Variants in NEGR1 observed in about 807,000 individuals in gnomAD.
NEGR1 encodes the protein neuronal growth regulator 1, also known as IgLON family member 4.
NEGR1 carries 10 observed loss-of-function variants against 40.9 expected under a neutral mutation model. The observed-to-expected ratio is 0.24, with a 90% CI of 0.15 to 0.42. The LOEUF is 0.42. Among genes scored for constraint, NEGR1 ranks in the 10% least tolerant of loss-of-function variants. The probability of loss-of-function intolerance (pLI) is 1.00; values close to 1 mark genes in which losing one functional copy is unlikely to be tolerated. For synonymous variants in NEGR1, 185 were observed against 166.8 expected, an observed-to-expected ratio of 1.11 and a Z score of -0.84; for missense variants, 352 against 438.9, an observed-to-expected ratio of 0.80 and a Z score of 1.77.
chr1:71,679,384 C>T (rs1222218086), intron 4 of NEGR1, among the ~76,000 whole-genome samples: 1 of 152,082 alleles, frequency 6.6e-6, no homozygotes, highest in Non-Finnish European at 1.5e-5. Flanking sequence ...ATATAGTATA[C>T]TTTTCATTTA....
chr1:71,899,032 G>T (rs1273328214), intron 2 of NEGR1, among the ~76,000 whole-genome samples: 1 of 137,702 alleles, frequency 7.3e-6, no homozygotes, highest in Non-Finnish European at 1.5e-5. Context: ...TAATGTGTGT[G>T]TGTGCGTGTG....
At chr1:72,085,676 A>C (rs1648191243) in intron 1 of NEGR1, among the ~76,000 whole-genome samples, 1 of 152,160 alleles carries the variant, frequency 6.6e-6, no homozygotes, top group African/African-American at 2.4e-5. Context: ...GTTTCTTAAG[A>C]AATGTGATTC....
intron 3 of NEGR1, among the ~76,000 whole-genome samples, chr1:71,711,137 A>C (rs940749124): frequency 6.6e-6 from 1 of 151,726 alleles, no homozygotes; most frequent in Non-Finnish European, 1.5e-5. Flanking sequence ...GGAGATAGAG[A>C]CCATCCTGGC....
chr1:71,720,240 A>G (rs1481936743), intron 3 of NEGR1, among the ~76,000 whole-genome samples: 1 of 152,186 alleles, frequency 6.6e-6, no homozygotes, highest in African/African-American at 2.4e-5. Context: ...TGCTGATAGG[A>G]ATCCATTGGT....
rs933721340 is a variant in NEGR1, at chr1:71,648,094, C to A, written c.668-36948G>T. On this transcript the variant is annotated intron_variant, in intron 4 of 6. Transcript: ENST00000357731. Reference sequence around the variant, plus strand: ...CTGAAAAATATGCAGCCAACTGGCCCTGTCCCCATTCACAGTTGTTTATAA... The same window carrying A: ...CTGAAAAATATGCAGCCAACTGGCCATGTCCCCATTCACAGTTGTTTATAA... Among the ~76,000 whole-genome samples the A allele has an allele frequency of 2.6e-5, 4 of 151,946 alleles. No individual in the cohort carries two copies. The South Asian group carries it at 8.3e-4, about 32-fold the overall frequency.
chr1:71,451,084 A>T (rs1162028914), intron 6 of NEGR1, among the ~76,000 whole-genome samples: 2 of 152,168 alleles, frequency 1.3e-5, no homozygotes, highest in Non-Finnish European at 2.9e-5. Flanking sequence ...TTCATTTGTC[A>T]ATCAATTACA....
chr1:71,565,088 T>G (rs1431319684), intron 6 of NEGR1, among the ~76,000 whole-genome samples: 1 of 152,046 alleles, frequency 6.6e-6, no homozygotes, highest in Non-Finnish European at 1.5e-5. Context: ...AAAGGCCCAT[T>G]TATTGAGAGG....
chr1:71,797,506 C>A (rs192438874), intron 2 of NEGR1, among the ~76,000 whole-genome samples: 24 of 152,216 alleles, frequency 1.6e-4, no homozygotes, highest in African/African-American at 5.1e-4. Flanking sequence ...ATTTTATGAT[C>A]CTCTATTTCC....
chr1:71,765,339 G>T (rs2101705136), intron 3 of NEGR1, among the ~76,000 whole-genome samples: 1 of 152,118 alleles, frequency 6.6e-6, no homozygotes, highest in East Asian at 1.9e-4. Flanking sequence ...ACAACTTTTT[G>T]CAGGGAAAAC....
chr1:71,575,464 T>C (rs1435981168), intron 6 of NEGR1, among the ~76,000 whole-genome samples: 1 of 152,184 alleles, frequency 6.6e-6, no homozygotes, highest in East Asian at 1.9e-4. Flanking sequence ...ATTGGAGCTA[T>C]CAGCATTCAA....
At chr1:72,222,272 C>T (rs569566847) in intron 1 of NEGR1, among the ~76,000 whole-genome samples, 3 of 152,196 alleles carry the variant, frequency 2.0e-5, no homozygotes, top group Admixed American at 6.6e-5. Context: ...AGGTCTACCC[C>T]AGTGGGCACC....
At chr1:71,804,590 G>T (rs1657684573) in intron 2 of NEGR1, among the ~76,000 whole-genome samples, 1 of 152,144 alleles carries the variant, frequency 6.6e-6, no homozygotes, top group Non-Finnish European at 1.5e-5. Context: ...TATCTTTACT[G>T]CAATCTCTGA....
chr1:72,138,277 A>C (rs1483020728), intron 1 of NEGR1, among the ~76,000 whole-genome samples: 2 of 152,018 alleles, frequency 1.3e-5, no homozygotes, highest in Non-Finnish European at 2.9e-5. Flanking sequence ...CCACTCCAAT[A>C]GTCAAAAAGA....
chr1:72,001,243 CTCTT>C (rs1430426612), intron 1 of NEGR1, among the ~76,000 whole-genome samples: 1 of 151,978 alleles, frequency 6.6e-6, no homozygotes, highest in Non-Finnish European at 1.5e-5. Flanking sequence ...AGAGCTTTCT[CTCTT>C]TCTTTCCCTT....
In NEGR1 at chr1:72,189,386, G is replaced by A. The variant is rs183236170; in HGVS notation, c.176+92933C>T. On this transcript the variant is annotated intron_variant, in intron 1 of 6. Transcript: ENST00000357731. ...TTATACTCTTTCCCACAAGAAGCTA[G>A]AAAATTTCAATGTATCTTTCAAACC... 1.7e-3 allele frequency among the ~76,000 whole-genome samples: 256 copies of A among 151,602 alleles called. 1 individual carries two copies. The highest frequency in any genetic ancestry group is 2.5e-3 in the Admixed American group (38 of 15,174).
intron 1 of NEGR1, among the ~76,000 whole-genome samples, chr1:71,996,860 C>G (rs1465188552): frequency 1.3e-5 from 2 of 152,026 alleles, no homozygotes; most frequent in Non-Finnish European, 2.9e-5. Flanking sequence ...CCAATGATCT[C>G]TCAATTGACC....
chr1:71,781,333 G>C (rs555369860), intron 2 of NEGR1, among the ~76,000 whole-genome samples: 29 of 152,264 alleles, frequency 1.9e-4, no homozygotes, highest in Admixed American at 7.2e-4. Context: ...ATATTAACTT[G>C]CATGACCTGT....
chr1:71,885,932 T>C (rs563642452), intron 2 of NEGR1, among the ~76,000 whole-genome samples: 202 of 152,312 alleles, frequency 1.3e-3, no homozygotes, highest in African/African-American at 4.5e-3. Flanking sequence ...TTGAGTAATA[T>C]ATAGAAATGC....
intron 1 of NEGR1, among the ~76,000 whole-genome samples, chr1:72,206,243 C>T (rs576086869): frequency 1.3e-5 from 2 of 151,914 alleles, no homozygotes; most frequent in African/African-American, 4.8e-5. Context: ...ACATCAAATA[C>T]ACATTATTAC....
Sources: allele counts gnomAD v4.1 joint callset (sites outside exome capture counted in the v4.1 genomes callset), GRCh38; gene constraint gnomAD v4.1.1; transcripts MANE v1.5; gene names NCBI Gene and HGNC (gene_info 2026-07-23, HGNC 2026-07-21).